Variants in TSC22D3 observed in about 807,000 individuals in gnomAD.
TSC22D3 encodes the protein TSC22 domain family protein 3.
A neutral mutation model predicts 11.1 loss-of-function variants in TSC22D3; 4 were observed. The ratio of observed to expected loss-of-function variants is 0.36; its 90% CI spans 0.18 to 0.83. The LOEUF (loss-of-function observed/expected upper bound fraction) is 0.83. Among genes scored for constraint, TSC22D3 ranks in the 40% least tolerant of loss-of-function variants. TSC22D3 has a pLI of 0.48. For synonymous variants in TSC22D3, 77 were observed against 70.3 expected, an observed-to-expected ratio of 1.10 and a Z score of -0.48; for missense variants, 118 against 159.4, an observed-to-expected ratio of 0.74 and a Z score of 1.40.
At chrX:107,743,064 A>G (rs1348628245) in intron 1 of TSC22D3, among the ~76,000 whole-genome samples, 1 of 112,351 alleles carries the variant, frequency 8.9e-6, no homozygotes, top group African/African-American at 3.2e-5. Flanking sequence ...CCAGGCTGCC[A>G]GGATAGCCCT....
chrX:107,733,099 CA>C (rs11313485), intron 1 of TSC22D3, among the ~76,000 whole-genome samples: 15,140 of 54,546 alleles, frequency 0.28, 2,595 homozygotes, highest in African/African-American at 0.59. Flanking sequence ...GACCCTGTCT[CA>C]AAAAAAAAAA....
Position 107,775,284 on chromosome X carries a change from T to G in TSC22D3, c.136A>C (p.Ser46Arg). 1 of 1,212,060 alleles carries G rather than the reference T, an allele frequency of 8.3e-7. No individual in the cohort carries two copies. The highest frequency in any genetic ancestry group is 1.8e-5 in the South Asian group (1 of 57,005). The change falls in exon 1 of 3, where the codon AGC (serine) becomes CGC (arginine). Residue 46 changes from serine to arginine, a missense_variant. Coordinates refer to ENST00000372383, the MANE Select transcript of TSC22D3 (RefSeq NM_198057.3). ...ENNNPGSPTV[S>R]NFRQLQEKLV... is the part of the protein sequence containing the mutation. ...TTTTCCTGCAGCTGCCGAAAGTTGC[T>G]CACTGTAGGGCTGCCCGGGTTGTTG...
At chrX:107,763,710 C>T (rs1411838291) in intron 1 of TSC22D3, among the ~76,000 whole-genome samples, 1 of 112,137 alleles carries the variant, frequency 8.9e-6, no homozygotes, top group Non-Finnish European at 1.9e-5. Context: ...TTTCTTTTTC[C>T]TTTACAGTAA....
intron 1 of TSC22D3, among the ~76,000 whole-genome samples, chrX:107,760,162 C>CA (rs1929372306): frequency 8.8e-6 from 1 of 113,203 alleles, no homozygotes; most frequent in Admixed American, 9.2e-5. Flanking sequence ...ACCCGAACAG[C>CA]AAGCCTTTCT....
At chrX:107,731,701 C>G (rs775364020) in intron 1 of TSC22D3, among the ~76,000 whole-genome samples, 1 of 111,653 alleles carries the variant, frequency 9.0e-6, no homozygotes, top group African/African-American at 3.3e-5. Flanking sequence ...AGTCAAGAGG[C>G]GTTGGCCAAG....
chrX:107,739,219 C>T (rs979125291), intron 1 of TSC22D3, among the ~76,000 whole-genome samples: 5 of 112,823 alleles, frequency 4.4e-5, no homozygotes, highest in South Asian at 7.2e-4. Context: ...CATCACAAAT[C>T]GTGGAAATGC....
At chrX:107,731,757 T>C (rs1927893589) in intron 1 of TSC22D3, among the ~76,000 whole-genome samples, 1 of 109,268 alleles carries the variant, frequency 9.2e-6, no homozygotes, top group South Asian at 4.0e-4. Flanking sequence ...CCAGATCATG[T>C]CTGCCCCCAT....
chrX:107,720,341 G>A (rs1285248012), intron 1 of TSC22D3, among the ~76,000 whole-genome samples: 1 of 111,780 alleles, frequency 8.9e-6, no homozygotes, highest in African/African-American at 3.3e-5. Context: ...AAGAATGAAT[G>A]GATCCCAGGG....
intron 1 of TSC22D3, among the ~76,000 whole-genome samples, chrX:107,720,443 G>A (rs1021977863): frequency 1.8e-5 from 2 of 112,336 alleles, no homozygotes; most frequent in Non-Finnish European, 3.8e-5. Context: ...TGTAATCTCA[G>A]CACTTCAGGA....
At chrX:107,727,108 C>T (rs764261112) in intron 1 of TSC22D3, among the ~76,000 whole-genome samples, 1 of 111,610 alleles carries the variant, frequency 9.0e-6, no homozygotes. Context: ...ACCCAGAAGG[C>T]ATTTGTCATG....
intron 1 of TSC22D3, among the ~76,000 whole-genome samples, chrX:107,744,418 T>A (rs1928561754): frequency 9.1e-6 from 1 of 110,398 alleles, no homozygotes; most frequent in South Asian, 3.9e-4. Context: ...GAGGCAGAGG[T>A]TGCAGTGAGC....
At chrX:107,720,270 C>T (rs1480825187) in intron 1 of TSC22D3, among the ~76,000 whole-genome samples, 1 of 111,278 alleles carries the variant, frequency 9.0e-6, no homozygotes, top group East Asian at 2.8e-4. Context: ...ATCCTCTCTA[C>T]ATCTCTGGTT....
intron 2 of TSC22D3, chrX:107,715,684 A>T: frequency 2.1e-6 from 1 of 469,498 alleles, no homozygotes; most frequent in Non-Finnish European, 3.8e-6. Flanking sequence ...TGGAGGAGGG[A>T]GGAAGAAAGG....
intron 1 of TSC22D3, among the ~76,000 whole-genome samples, chrX:107,754,865 A>G (rs1348374940): frequency 8.9e-6 from 1 of 112,097 alleles, no homozygotes; most frequent in Admixed American, 9.5e-5. Flanking sequence ...CTTGGCGATA[A>G]CCTTGAGCAG....
At chrX:107,737,186 T>C (rs897103246) in intron 1 of TSC22D3, among the ~76,000 whole-genome samples, 1 of 111,604 alleles carries the variant, frequency 9.0e-6, no homozygotes, top group African/African-American at 3.3e-5. Context: ...CCTGGACCAA[T>C]GGGGGACAAG....
chrX:107,731,782 G>A (rs1001129208), intron 1 of TSC22D3, among the ~76,000 whole-genome samples: 4 of 106,389 alleles, frequency 3.8e-5, no homozygotes, highest in African/African-American at 1.4e-4. Flanking sequence ...TACAGGGGCA[G>A]CCTGCGCTGG....
intron 1 of TSC22D3, among the ~76,000 whole-genome samples, chrX:107,717,573 C>T (rs140925447): frequency 0.013 from 1,457 of 112,640 alleles, 21 homozygotes; most frequent in African/African-American, 0.044. Flanking sequence ...GCCTGCCGAC[C>T]TGCCCTGAAC....
intron 1 of TSC22D3, among the ~76,000 whole-genome samples, chrX:107,769,022 C>T (rs1358097680): frequency 1.8e-5 from 2 of 112,666 alleles, no homozygotes; most frequent in African/African-American, 6.5e-5. Context: ...GGAGCATTCT[C>T]CTCAAGGAAT....
intron 1 of TSC22D3, among the ~76,000 whole-genome samples, chrX:107,764,577 A>G (rs1929580491): frequency 8.9e-6 from 1 of 111,964 alleles, no homozygotes; most frequent in Non-Finnish European, 1.9e-5. Flanking sequence ...TTTATAGGGT[A>G]TCTGGGAAAC....
Sources: allele counts gnomAD v4.1 joint callset (sites outside exome capture counted in the v4.1 genomes callset), GRCh38; gene constraint gnomAD v4.1.1; transcripts MANE v1.5; gene names NCBI Gene and HGNC (gene_info 2026-07-23, HGNC 2026-07-21).